The following DDX50 variants were observed in gnomAD, a reference collection of about 807,000 sequenced individuals.
DDX50 encodes DExD-box helicase 50.
DDX50 carries 56 observed loss-of-function variants against 94.8 expected under a neutral mutation model. The observed-to-expected ratio is 0.59, with a 90% CI of 0.48 to 0.74. DDX50 has a LOEUF of 0.74. DDX50 is among the 30% of genes least tolerant of loss of function. The pLI, the probability that DDX50 is intolerant of heterozygous loss-of-function variation, is 0.00. For missense variants in DDX50, 713 were observed against 881.2 expected (o/e 0.81, Z 2.42); for synonymous variants, 264 against 295.4 (o/e 0.89, Z 1.09).
chr10:68,907,317 C>CTTTTTTTTTTT (rs59316500), intron 2 of DDX50, among the ~76,000 whole-genome samples: 1 of 130,504 alleles, frequency 7.7e-6, no homozygotes, highest in Admixed American at 8.2e-5. Context: ...TTTCTTTTTT[C>CTTTTTTTTTTT]TTTTTTTTTT....
Position 68,946,821 on chromosome 10 carries a change from A to AGGAGGTTTTTTTATTC in DDX50, c.*191_*192insGGAGGTTTTTTTATTC. 1.5e-6 allele frequency: 1 copy of AGGAGGTTTTTTTATTC among 675,680 alleles called. No individual in the cohort carries two copies. Among genetic ancestry groups the AGGAGGTTTTTTTATTC allele is most frequent in the Non-Finnish European group, 2.4e-6 (1 of 422,324 alleles). The allele number at this position is 675,680 out of a possible 1,614,324, so 41.9% of individuals were successfully genotyped here. Reference sequence around the variant, plus strand: ...TTATCCAGTTATACCTTTGAATAAAAAAACCTCCTTTTATTGTCTCTTTTC... The same window carrying AGGAGGTTTTTTTATTC: ...TTATCCAGTTATACCTTTGAATAAAAGGAGGTTTTTTTATTCAAACCTCCTTTTATTGTCTCTTTTC... On this transcript the variant is annotated 3_prime_UTR_variant, in exon 15 of 15. Transcript: ENST00000373585.
In DDX50 at chr10:68,906,766, G is replaced by C. The variant is rs147280117; in HGVS notation, c.143G>C (p.Arg48Thr). Residue 48 changes from arginine to threonine, a missense_variant, in exon 2 of 15, where the codon AGA becomes ACA. Arg to Thr is a moderately conservative substitution (Grantham distance 71). Transcript: ENST00000373585. The stretch of plus-strand genomic sequence containing the variant: ...GACTCGGATGAGAAATCAGAAACAA[G>C]AGAAAATGGTGTTACAGATGACCTG... ...HYDSDEKSET[R>T]ENGVTDDLDA... is the part of the protein sequence containing the mutation. The C allele has an allele frequency of 1.1e-5, 17 of 1,612,630 alleles. No homozygotes were observed. Among genetic ancestry groups the C allele is most frequent in the Admixed American group, 1.7e-5 (1 of 59,578 alleles).
At chr10:68,902,392 A>AATTTCT (rs1841318767) in intron 1 of DDX50, among the ~76,000 whole-genome samples, 1 of 152,186 alleles carries the variant, frequency 6.6e-6, no homozygotes, top group South Asian at 2.1e-4. Flanking sequence ...ATAGCCTTAG[A>AATTTCT]AAGCAGAATC....
At position 68,934,174 on chromosome 10, in the gene DDX50, A is replaced by G; in HGVS notation, c.1240-25A>G. On this transcript the variant is annotated intron_variant, in intron 8 of 14. Transcript: ENST00000373585. The surrounding 1 kb of genome is among the most constrained non-coding windows in gnomAD (Gnocchi z 4.0). ...AGTTGCAAGTATGAGCTGTACACTT[A>G]ATTTTCTCCCCCTTTCTCAAATAGA... 6.2e-7 allele frequency: 1 copy of G among 1,605,920 alleles called. No individual in the cohort carries two copies. Among genetic ancestry groups the G allele is most frequent in the Non-Finnish European group, 8.5e-7 (1 of 1,176,830 alleles).
At chr10:68,914,411 T>C (rs10998485) in intron 7 of DDX50, among the ~76,000 whole-genome samples, 6,118 of 152,144 alleles carry the variant, frequency 0.04, 416 homozygotes, top group African/African-American at 0.14. Context: ...AATAGGCAAG[T>C]CCTAATAGGA....
At chr10:68,903,598 C>T (rs572758816) in intron 1 of DDX50, among the ~76,000 whole-genome samples, 9 of 152,102 alleles carry the variant, frequency 5.9e-5, no homozygotes, top group Non-Finnish European at 8.8e-5. Flanking sequence ...GTCAGGAGTT[C>T]GAGACCAGCC....
rs76842026 is a variant in DDX50, at chr10:68,912,936, A to T, written c.640-226A>T. 3.1e-3 allele frequency among the ~76,000 whole-genome samples: 466 copies of T among 152,336 alleles called. 3 individuals carry two copies. The highest frequency in any genetic ancestry group is 5.7e-3 in the Non-Finnish European group (391 of 68,026). Reference sequence around the variant, plus strand: ...AAATGATAAAGAGGGGCAGGGGGATATGAAAATGGGCTTGGGAACCTCACT... The same window carrying T: ...AAATGATAAAGAGGGGCAGGGGGATTTGAAAATGGGCTTGGGAACCTCACT... On this transcript the variant is annotated intron_variant, in intron 4 of 14. Transcript: ENST00000373585.
rs1185945889 is a variant in DDX50, at chr10:68,936,305, G to T, written c.1595+226G>T. Among the ~76,000 whole-genome samples, 7 of 149,568 alleles carry T rather than the reference G, an allele frequency of 4.7e-5. No homozygotes were observed. In the South Asian group the frequency reaches 1.1e-3, roughly 23 times the overall value. ...GATTGAGACCATCCTGGCTAACACG[G>T]TGAAACCCTATCTCTACTAAAAAAA... On this transcript the variant is annotated intron_variant, in intron 11 of 14. Transcript: ENST00000373585.
Position 68,914,162 on chromosome 10 carries a change from C to T in DDX50, c.1047C>T (p.Asp349=). 6.2e-7 allele frequency: 1 copy of T among 1,610,738 alleles called. No homozygotes were observed. The highest frequency in any genetic ancestry group is 8.5e-7 in the Non-Finnish European group (1 of 1,178,902). ...KYMKSRYEQV[D]LVGKMTQKAA... ...TGAAATCCAGATATGAACAGGTTGA[C>T]CTTGTTGGAAAAATGACTCAAAAGG... is the stretch of plus-strand genomic sequence containing the variant. Residue 349 remains aspartate (D), a synonymous_variant, in exon 7 of 15, where the codon GAC becomes GAT. Transcript: ENST00000373585.
intron 2 of DDX50, among the ~76,000 whole-genome samples, chr10:68,908,510 C>T (rs1344138558): frequency 7.0e-6 from 1 of 143,062 alleles, no homozygotes; most frequent in Non-Finnish European, 1.5e-5. Context: ...GATTTTATTT[C>T]TATTTAAAAA....
intron 11 of DDX50, 151 bp downstream of exon 11, chr10:68,936,230 G>A (rs960860097): frequency 9.9e-6 from 6 of 603,908 alleles, no homozygotes; most frequent in African/African-American, 5.8e-5. Flanking sequence ...GCTCATGCCT[G>A]TAATTCCAGC....
At chr10:68,915,454 A>AC (rs1411598944) in intron 7 of DDX50, among the ~76,000 whole-genome samples, 8 of 151,548 alleles carry the variant, frequency 5.3e-5, no homozygotes. Flanking sequence ...GCGGTGGCTC[A>AC]CGCCTGTATT....
chr10:68,934,787 TA>T lies in DDX50; in HGVS notation c.1402-11del. 6.3e-7 allele frequency: 1 copy of T among 1,578,098 alleles called. No homozygotes were observed. Among genetic ancestry groups the T allele is most frequent in the Non-Finnish European group, 8.6e-7 (1 of 1,168,802 alleles). On this transcript the variant is annotated splice_polypyrimidine_tract_variant and intron_variant, in intron 9 of 14. Coordinates refer to ENST00000373585, the MANE Select transcript of DDX50 (RefSeq NM_024045.2). This position sits in a 1 kb window ranked among gnomAD's most constrained non-coding sequence, Gnocchi z 4.0. ...TAGATTTTTAAAAAATATTACCTTT[TA>T]TAATCTTTAGGATGTTGAGTCCTAT... is the stretch of plus-strand genomic sequence containing the variant.
At chr10:68,943,454 G>A (rs1446899601) in intron 14 of DDX50, among the ~76,000 whole-genome samples, 197 bp downstream of exon 14, 1 of 152,108 alleles carries the variant, frequency 6.6e-6, no homozygotes, top group Non-Finnish European at 1.5e-5. Context: ...GGAGTGCAGT[G>A]GCACAATCAT....
intron 8 of DDX50, among the ~76,000 whole-genome samples, chr10:68,927,174 A>C (rs754098675): frequency 6.6e-5 from 10 of 152,254 alleles, no homozygotes; most frequent in East Asian, 3.9e-4. Flanking sequence ...GGCCTCCCAA[A>C]GTGCTGGGAT....
intron 8 of DDX50, among the ~76,000 whole-genome samples, chr10:68,920,448 G>A (rs1447332390): frequency 6.6e-6 from 1 of 152,040 alleles, no homozygotes; most frequent in African/African-American, 2.4e-5. Context: ...TTACAGGTGT[G>A]AGCCATCACA....
In DDX50 at chr10:68,934,969, A is replaced by G. The variant is rs1564615653; in HGVS notation, c.1521+51A>G. ...CTTATTGTCTAAATGGTGCCTTAAA[A>G]GAGAGCTCTTCTTATATTTATTCTT... On this transcript the variant is annotated intron_variant, in intron 10 of 14. Transcript: ENST00000373585. The surrounding 1 kb of genome is among the most constrained non-coding windows in gnomAD (Gnocchi z 4.0). The G allele has an allele frequency of 6.4e-7, 1 of 1,568,578 alleles. No homozygotes were observed. Among genetic ancestry groups the G allele is most frequent in the Admixed American group, 1.9e-5 (1 of 52,386 alleles).
intron 11 of DDX50, 112 bp downstream of exon 11, chr10:68,936,191 A>G (rs1842401773): frequency 2.6e-6 from 2 of 762,390 alleles, no homozygotes; most frequent in Non-Finnish European, 4.1e-6. Flanking sequence ...ACCAGCAGAC[A>G]TTTAGTTATA....
Position 68,905,678 on chromosome 10 carries a change from G to A in DDX50, c.88-1033G>A, listed in dbSNP as rs143891550. ...TGTAATCCCACCACTTTGGGAGGCC[G>A]AGGCTGGTGGATCACCTGAGGTCAG... On this transcript the variant is annotated intron_variant, in intron 1 of 14. Coordinates refer to ENST00000373585, the MANE Select transcript of DDX50 (RefSeq NM_024045.2). 5.2e-3 allele frequency among the ~76,000 whole-genome samples: 795 copies of A among 152,314 alleles called. 9 individuals are homozygous for A. The highest frequency in any genetic ancestry group is 0.018 in the African/African-American group (751 of 41,572).
Sources: gnomAD v4.1 joint callset for allele counts (sites outside exome capture counted in the v4.1 genomes callset) on GRCh38, gnomAD v4.1.1 for gene constraint, Gnocchi (gnomAD v3.1) non-coding constraint, MANE v1.5 for transcripts, NCBI Gene and HGNC (gene_info 2026-07-23, HGNC 2026-07-21) for gene names.